Variants in FOXP1 observed in about 807,000 individuals in gnomAD.
FOXP1 encodes the protein forkhead box protein P1.
In FOXP1, 15 loss-of-function variants were observed where a neutral mutation model predicts 98.2. The observed-to-expected ratio is 0.15, with a 90% confidence interval of 0.10 to 0.24. FOXP1 has a LOEUF of 0.24. FOXP1 is among the 10% of genes least tolerant of loss of function. The pLI is 1.00. For missense variants in FOXP1, 633 were observed against 848.5 expected (o/e 0.75, Z 3.15); for synonymous variants, 371 against 314.5 (o/e 1.18, Z -1.90).
intron 3 of FOXP1, among the ~76,000 whole-genome samples, chr3:71,427,208 T>C (rs2084241920): frequency 6.6e-6 from 1 of 152,112 alleles, no homozygotes; most frequent in Non-Finnish European, 1.5e-5. Context: ...GTCACCACCA[T>C]ATATCTAATA....
intron 3 of FOXP1, among the ~76,000 whole-genome samples, chr3:71,429,495 A>C: frequency 1.6e-4 from 1 of 6,370 alleles, no homozygotes; most frequent in South Asian, 4.8e-3. Flanking sequence ...GGGGGGCGGG[A>C]GGGGGGGTAC....
At chr3:71,213,482 T>A (rs978148179) in intron 5 of FOXP1, among the ~76,000 whole-genome samples, 1 of 152,218 alleles carries the variant, frequency 6.6e-6, no homozygotes, top group African/African-American at 2.4e-5. Context: ...AAATCTTTTT[T>A]AAGGCACCCC....
chr3:71,505,415 C>CTTTTT (rs66459828), intron 2 of FOXP1, among the ~76,000 whole-genome samples: 10 of 82,118 alleles, frequency 1.2e-4, no homozygotes, highest in Admixed American at 1.4e-4. Context: ...AAGAGGGATG[C>CTTTTT]TTTTTTTTTT....
In FOXP1 at chr3:71,370,973, T is replaced by A. The variant is rs562563024; in HGVS notation, c.-167-11729A>T. Among the ~76,000 whole-genome samples, 37 of 152,052 alleles carry A rather than the reference T, an allele frequency of 2.4e-4. 1 individual carries two copies. Among genetic ancestry groups the A allele is most frequent in the Middle Eastern group, 6.8e-3 (2 of 294 alleles). On this transcript the variant is annotated intron_variant, in intron 3 of 20. Transcript: ENST00000649528. ...CACGCCACGACGCCCAGCTAATTTT[T>A]TTAGTAGACGCTAGGCTGGTCTCGA...
Position 71,047,012 on chromosome 3 carries a change from A to G in FOXP1, c.594T>C (p.Ser198=), listed in dbSNP as rs763069978. 1.2e-6 allele frequency: 2 copies of G among 1,614,114 alleles called. No homozygotes were observed. The highest frequency in any genetic ancestry group is 2.2e-5 in the South Asian group (2 of 91,082). Residue 198 remains serine, a synonymous_variant, in exon 10 of 21, where the codon TCT becomes TCC. Coordinates refer to ENST00000649528, the MANE Select transcript of FOXP1 (RefSeq NM_001349338.3). The part of the protein sequence containing the change: ...MQQLQQQHLL[S]LQRQGLLTIQ... ...TTGTCAGAAGGCCTTGGCGCTGCAA[A>G]GACAGGAGGTGCTGCTGCTGTAACT...
chr3:71,333,041 G>A (rs1178413034), intron 4 of FOXP1: 2 of 152,270 alleles, frequency 1.3e-5, no homozygotes, highest in African/African-American at 2.4e-5. Flanking sequence ...AGTCTGCAGA[G>A]CTGGGAGGAG....
intron 6 of FOXP1, among the ~76,000 whole-genome samples, chr3:71,146,517 A>G (rs1280171578): frequency 6.6e-6 from 1 of 152,214 alleles, no homozygotes; most frequent in African/African-American, 2.4e-5. Flanking sequence ...AAAATAAAAA[A>G]TAAAAAATAA....
chr3:71,399,546 T>G (rs920217868), intron 3 of FOXP1, among the ~76,000 whole-genome samples: 1 of 152,148 alleles, frequency 6.6e-6, no homozygotes, highest in African/African-American at 2.4e-5. Flanking sequence ...ACTCCCAGAT[T>G]GCACACAGAA....
At chr3:71,389,433 T>C (rs2080872014) in intron 3 of FOXP1, among the ~76,000 whole-genome samples, 1 of 152,034 alleles carries the variant, frequency 6.6e-6, no homozygotes, top group African/African-American at 2.4e-5. Flanking sequence ...CTTTTATAAG[T>C]GCTGTTGCAG....
chr3:71,324,161 A>G (rs1188912910), intron 4 of FOXP1, among the ~76,000 whole-genome samples: 1 of 152,186 alleles, frequency 6.6e-6, no homozygotes, highest in East Asian at 1.9e-4. Context: ...AAAATTAGAT[A>G]CATATATTTC....
intron 10 of FOXP1, among the ~76,000 whole-genome samples, chr3:71,044,668 T>C (rs1324633955): frequency 6.6e-6 from 1 of 152,246 alleles, no homozygotes; most frequent in African/African-American, 2.4e-5. Flanking sequence ...ACCAGTATTT[T>C]TAACAGATAA....
At chr3:71,479,143 G>T (rs1385881506) in intron 3 of FOXP1, among the ~76,000 whole-genome samples, 3 of 152,254 alleles carry the variant, frequency 2.0e-5, no homozygotes, top group Admixed American at 2.0e-4. Flanking sequence ...CAAAGGATAG[G>T]GCTGGGCGTG....
chr3:71,582,113 A>G (rs1302625042), intron 1 of FOXP1: 12 of 742,556 alleles, frequency 1.6e-5, no homozygotes, highest in Non-Finnish European at 1.8e-5. Context: ...AAGCAAACAC[A>G]TGGGAGGGGG....
intron 10 of FOXP1, among the ~76,000 whole-genome samples, chr3:71,045,587 G>A (rs13324049): frequency 0.018 from 2,741 of 152,158 alleles, 80 homozygotes; most frequent in African/African-American, 0.063. Flanking sequence ...GCTCAGTTAC[G>A]ACATCTTCTA....
intron 5 of FOXP1, among the ~76,000 whole-genome samples, chr3:71,222,450 GCT>G (rs894725329): frequency 3.3e-4 from 50 of 151,968 alleles, no homozygotes; most frequent in African/African-American, 1.2e-3. Context: ...ATGGAGTCTC[GCT>G]CTGTCGCCCA....
intron 6 of FOXP1, among the ~76,000 whole-genome samples, chr3:71,142,247 G>A (rs2060106009): frequency 6.6e-6 from 1 of 152,166 alleles, no homozygotes; most frequent in Non-Finnish European, 1.5e-5. Flanking sequence ...CATTTTTAAG[G>A]TTGTAATGTC....
intron 14 of FOXP1, among the ~76,000 whole-genome samples, chr3:70,978,946 A>C (rs1267007551): frequency 1.3e-5 from 2 of 152,120 alleles, no homozygotes; most frequent in Admixed American, 6.5e-5. Flanking sequence ...CAAGTTAGGA[A>C]ATGAATATTA....
At position 71,553,188 on chromosome 3, in the gene FOXP1, T is replaced by A. The variant is rs1264102258; in HGVS notation, c.-298+28361A>T. 8.5e-5 allele frequency among the ~76,000 whole-genome samples: 13 copies of A among 152,156 alleles called. 1 individual carries two copies. The highest frequency in any genetic ancestry group is 8.5e-4 in the Admixed American group (13 of 15,278). On this transcript the variant is annotated intron_variant, in intron 2 of 20. Transcript: ENST00000649528. The stretch of plus-strand genomic sequence containing the variant: ...AAATTGAGGATATTCTCAATTCTAC[T>A]ATGTGGTATTGAAGTCCCTAAATAT...
chr3:71,215,407 A>G (rs186243083), intron 5 of FOXP1, among the ~76,000 whole-genome samples: 70 of 152,346 alleles, frequency 4.6e-4, no homozygotes, highest in Non-Finnish European at 2.9e-5. Flanking sequence ...AGATTAATCA[A>G]TTAGACACAT....
Sources: gnomAD v4.1 joint callset for allele counts (sites outside exome capture counted in the v4.1 genomes callset) on GRCh38, gnomAD v4.1.1 for gene constraint, MANE v1.5 for transcripts, NCBI Gene and HGNC (gene_info 2026-07-23, HGNC 2026-07-21) for gene names.